The following PSMG1 variants were observed in gnomAD, a reference collection of about 807,000 sequenced individuals.
PSMG1 encodes the protein proteasome assembly chaperone 1, also known as Down syndrome critical region gene 2.
In PSMG1, 23 loss-of-function variants were observed where a neutral mutation model predicts 37.2. That is an observed-to-expected ratio of 0.62 (90% CI 0.44 to 0.88). The LOEUF is 0.88. Ranked by LOEUF, PSMG1 falls within the 40% of genes least tolerant of loss-of-function variation. PSMG1 has a pLI of 0.00. For missense variants in PSMG1, 340 were observed against 344.2 expected, an observed-to-expected ratio of 0.99 and a Z score of 0.10; for synonymous variants, 127 against 128.0, an observed-to-expected ratio of 0.99 and a Z score of 0.05.
rs1006499911 is a variant in PSMG1 at position 39,175,121 on chromosome 21, C to T, written c.*469G>A. On this transcript the variant is annotated 3_prime_UTR_variant, in exon 7 of 7. Coordinates refer to ENST00000331573, the MANE Select transcript of PSMG1 (RefSeq NM_003720.4). Reference sequence around the variant, plus strand: ...CTACACTTTGCCACATGAATACCATCTGCTGATATCTGTAGCTTTGAAAAA... The same window carrying T: ...CTACACTTTGCCACATGAATACCATTTGCTGATATCTGTAGCTTTGAAAAA... 1.3e-5 allele frequency: 2 copies of T among 152,200 alleles called. No homozygotes were observed. The highest frequency in any genetic ancestry group is 2.9e-5 in the Non-Finnish European group (2 of 68,078). The allele number at this position is 152,200 out of a possible 1,614,324, so 9.4% of individuals were successfully genotyped here.
chr21:39,179,590 A>T (rs1190803633), intron 4 of PSMG1, among the ~76,000 whole-genome samples: 1 of 152,148 alleles, frequency 6.6e-6, no homozygotes, highest in Non-Finnish European at 1.5e-5. Flanking sequence ...TTTTAATAAG[A>T]TCTAAAGTGA....
At chr21:39,176,031 T>G (rs1451402393) in intron 6 of PSMG1, among the ~76,000 whole-genome samples, 2 of 152,090 alleles carry the variant, frequency 1.3e-5, no homozygotes, top group African/African-American at 4.8e-5. Flanking sequence ...TCTGCACACT[T>G]CTACCCAAGA....
At chr21:39,181,694 A>T in intron 2 of PSMG1, 78 bp downstream of exon 2, 2 of 1,042,716 alleles carry the variant, frequency 1.9e-6, no homozygotes, top group Non-Finnish European at 2.7e-6. Flanking sequence ...TAAACATTTT[A>T]AATCTTTTAT....
At position 39,177,434 on chromosome 21, in the gene PSMG1, C is replaced by A. The variant is rs763950685; in HGVS notation, c.792+1G>T. ...TTAATTTAAATGAGTTAAAACCTTA[C>A]CTTAACCAAACCCTTCAAGCTTCTG... On this transcript the variant is annotated splice_donor_variant, in intron 6 of 6. Transcript: ENST00000331573. LOFTEE classifies it high-confidence loss of function. 1 of 1,583,098 alleles carries A rather than the reference C, an allele frequency of 6.3e-7. No individual in the cohort carries two copies. The highest frequency in any genetic ancestry group is 1.2e-5 in the South Asian group (1 of 84,712).
At chr21:39,180,908 C>T (rs1284963914) in intron 2 of PSMG1, among the ~76,000 whole-genome samples, 1 of 152,046 alleles carries the variant, frequency 6.6e-6, no homozygotes, top group African/African-American at 2.4e-5. Context: ...TGTACATTGT[C>T]CTAGCTGCAC....
In PSMG1 at chr21:39,183,269, C is replaced by T. The variant is rs1127136; in HGVS notation, c.117G>A (p.Leu39=). ...RETPEDREVR[L]QLARKREVRL... Reference sequence around the variant, plus strand: ...TGCCTCACCTCTTCCGCGCCAGCTGCAGACGCACCTCCCTGTCCTCGGGCG... The same window carrying T: ...TGCCTCACCTCTTCCGCGCCAGCTGTAGACGCACCTCCCTGTCCTCGGGCG... The change falls in exon 1 of 7, where the codon CTG becomes CTA. Residue 39 remains leucine (L), a synonymous_variant. Coordinates refer to ENST00000331573, the MANE Select transcript of PSMG1 (RefSeq NM_003720.4). 1.9e-6 allele frequency: 3 copies of T among 1,586,996 alleles called. No individual in the cohort carries two copies. In the South Asian group the frequency reaches 3.4e-5, roughly 18 times the overall value.
At chr21:39,181,573 C>T (rs1232362301) in intron 2 of PSMG1, among the ~76,000 whole-genome samples, 199 bp downstream of exon 2, 1 of 151,690 alleles carries the variant, frequency 6.6e-6, no homozygotes, top group Non-Finnish European at 1.5e-5. Flanking sequence ...CTGGGCAACA[C>T]AGCAAGAAAC....
rs1300329811 is a variant in PSMG1 at position 39,178,650 on chromosome 21, A to T, written c.457-3T>A. On this transcript the variant is annotated splice_region_variant and splice_polypyrimidine_tract_variant and intron_variant, in intron 4 of 6. Coordinates refer to ENST00000331573, the MANE Select transcript of PSMG1 (RefSeq NM_003720.4). ...TTCCTTGGACAAGAGCCAAAAACCT[A>T]ACATAAAATTTATTTCAAATTAAAA... The T allele has an allele frequency of 1.2e-6, 2 of 1,607,590 alleles. No homozygotes were observed. Among genetic ancestry groups the T allele is most frequent in the Non-Finnish European group, 8.5e-7 (1 of 1,177,644 alleles).
chr21:39,180,375 G>C lies in PSMG1; in HGVS notation c.303C>G (p.Leu101=). ...CTGTTGTTCTACACCATTCATTCCA[G>C]AGTTTAGCACAACCAACTTCCTCCC... The part of the protein sequence containing the change: ...GVWEEVGCAK[L]WNEWCRTTDT... The change falls in exon 3 of 7, where the codon CTC becomes CTG. Residue 101 remains leucine, a synonymous_variant. Transcript: ENST00000331573. 6.2e-7 allele frequency: 1 copy of C among 1,611,632 alleles called. No individual in the cohort carries two copies. Among genetic ancestry groups the C allele is most frequent in the Non-Finnish European group, 8.5e-7 (1 of 1,178,792 alleles).
intron 1 of PSMG1, 186 bp downstream of exon 1, chr21:39,183,066 G>T (rs1465178390): frequency 5.6e-6 from 4 of 709,132 alleles, no homozygotes; most frequent in Non-Finnish European, 8.5e-6. Context: ...ACACACACCT[G>T]GGGCTGGCGC....
At chr21:39,181,971 A>G in intron 1 of PSMG1, 93 bp from the exon 2 acceptor site, 1 of 719,326 alleles carries the variant, frequency 1.4e-6, no homozygotes, top group South Asian at 2.6e-5. Flanking sequence ...AATAAATAAA[A>G]TGCACGTTAG....
At position 39,183,387 on chromosome 21, in the gene PSMG1, G is replaced by C; in HGVS notation, c.-2C>G. 1.3e-6 allele frequency: 2 copies of C among 1,576,436 alleles called. No homozygotes were observed. The highest frequency in any genetic ancestry group is 1.7e-6 in the Non-Finnish European group (2 of 1,165,766). On this transcript the variant is annotated 5_prime_UTR_variant, in exon 1 of 7. Transcript: ENST00000331573. ...CTCTCCGAAGAACGTGGCCGCCATA[G>C]CCGCCCCGTGACCGGCTGGACACAA...
chr21:39,181,680 G>T, intron 2 of PSMG1, 92 bp downstream of exon 2: 2 of 865,218 alleles, frequency 2.3e-6, no homozygotes, highest in Non-Finnish European at 3.4e-6. Context: ...GCTTTTTAAA[G>T]TACTAAACAT....
In PSMG1 at chr21:39,183,344, G is replaced by C; in HGVS notation, c.42C>G (p.Cys14Trp). The change falls in exon 1 of 7, where the codon TGC (cysteine) becomes TGG (tryptophan). Residue 14 changes from cysteine (C) to tryptophan (W), a missense_variant. Cys to Trp is a radical substitution (Grantham distance 215). Transcript: ENST00000331573. ...CCTCTTCGTCCTCAGTCCCAGCTCG[G>C]CACGGCGCCTTCACCACCTCTCCGA... ...TFFGEVVKAP[C>W]RAGTEDEEEE... 1.3e-6 allele frequency: 2 copies of C among 1,573,092 alleles called. No individual in the cohort carries two copies. Among genetic ancestry groups the C allele is most frequent in the Non-Finnish European group, 1.7e-6 (2 of 1,162,448 alleles).
In PSMG1 at chr21:39,183,422, C is replaced by G. The variant is rs939278545; in HGVS notation, c.-37G>C. The G allele has an allele frequency of 3.9e-6, 6 of 1,549,764 alleles. No individual in the cohort carries two copies. In the African/African-American group the frequency reaches 4.2e-5, roughly 11 times the overall value. ...GACCGGCTGGACACAACTGCAGCGCCGCGGGACCGCACGCCGGCTTGCGCG... is the reference window on the plus strand; with the variant it reads ...GACCGGCTGGACACAACTGCAGCGCGGCGGGACCGCACGCCGGCTTGCGCG... On this transcript the variant is annotated 5_prime_UTR_variant, in exon 1 of 7. Transcript: ENST00000331573.
At chr21:39,179,082 C>T (rs1218141724) in intron 4 of PSMG1, among the ~76,000 whole-genome samples, 1 of 152,126 alleles carries the variant, frequency 6.6e-6, no homozygotes, top group Non-Finnish European at 1.5e-5. Context: ...GCTGGCTCCT[C>T]CCCTCTCTCA....
At chr21:39,178,070 A>C (rs988222729) in intron 5 of PSMG1, among the ~76,000 whole-genome samples, 3 of 152,194 alleles carry the variant, frequency 2.0e-5, no homozygotes, top group African/African-American at 7.2e-5. Context: ...GATGGTAATA[A>C]AAAAATTAAA....
intron 6 of PSMG1, 117 bp downstream of exon 6, chr21:39,177,318 T>G: frequency 2.4e-5 from 25 of 1,040,898 alleles, no homozygotes; most frequent in Non-Finnish European, 3.1e-5. Flanking sequence ...AGCTTCGCTT[T>G]GAGAAGAATG....
intron 5 of PSMG1, among the ~76,000 whole-genome samples, 155 bp downstream of exon 5, chr21:39,178,294 T>C (rs1021561272): frequency 6.6e-6 from 1 of 152,168 alleles, no homozygotes; most frequent in Non-Finnish European, 1.5e-5. Flanking sequence ...TCAAACTAAA[T>C]ATACTGCACT....
Sources: gnomAD v4.1 joint callset for allele counts (sites outside exome capture counted in the v4.1 genomes callset) on GRCh38, gnomAD v4.1.1 for gene constraint, MANE v1.5 for transcripts, NCBI Gene and HGNC (gene_info 2026-07-23, HGNC 2026-07-21) for gene names.